RABGAP1L: variants seen among roughly 807,000 people sequenced by gnomAD.
RABGAP1L encodes rab GTPase-activating protein 1-like.
Under a neutral mutation model 137.7 loss-of-function variants are expected in RABGAP1L, and 63 were observed. The observed-to-expected ratio is 0.46, with a 90% CI of 0.37 to 0.56. The LOEUF (loss-of-function observed/expected upper bound fraction) is 0.56. Ranked by LOEUF, RABGAP1L falls within the 20% of genes least tolerant of loss-of-function variation. The pLI, the probability that RABGAP1L is intolerant of heterozygous loss-of-function variation, is 0.00. For missense variants in RABGAP1L, 1,095 were observed against 1,244.0 expected (o/e 0.88, Z 1.80); for synonymous variants, 431 against 433.7 (o/e 0.99, Z 0.08).
In RABGAP1L at chr1:174,327,974, T is replaced by TAC. The variant is rs1558135970; in HGVS notation, c.1465+22848_1465+22849insCA. 5.1e-3 allele frequency among the ~76,000 whole-genome samples: 82 copies of TAC among 16,090 alleles called. 1 individual carries two copies. The highest frequency in any genetic ancestry group is 0.067 in the Middle Eastern group (2 of 30). 10.6% of individuals were successfully genotyped at this position (16,090 alleles called of 152,430 possible). On this transcript the variant is annotated intron_variant, in intron 11 of 25. Transcript: ENST00000681986. ...AGTTGTAAATATATATATATATATA[T>TAC]ATATACACACACATATATATATATA...
intron 1 of RABGAP1L, among the ~76,000 whole-genome samples, chr1:174,162,753 C>CTTTTTTTTTTTT (rs971302832): frequency 2.7e-5 from 1 of 37,184 alleles, no homozygotes; most frequent in Non-Finnish European, 5.9e-5. Flanking sequence ...GCTGGTATTT[C>CTTTTTTTTTTTT]TTTTTTTTTT....
intron 10 of RABGAP1L, among the ~76,000 whole-genome samples, chr1:174,294,922 T>A (rs948725039): frequency 6.7e-6 from 1 of 149,948 alleles, no homozygotes; most frequent in Non-Finnish European, 1.5e-5. Flanking sequence ...TACATTGAAT[T>A]TTTTTTTTTT....
chr1:174,348,008 T>G (rs1228717394), intron 11 of RABGAP1L, among the ~76,000 whole-genome samples: 2 of 152,264 alleles, frequency 1.3e-5, no homozygotes, highest in Middle Eastern at 3.4e-3. Context: ...TTACATTCTG[T>G]ATTATTATTG....
intron 13 of RABGAP1L, among the ~76,000 whole-genome samples, chr1:174,474,942 A>G (rs1658342592): frequency 1.3e-5 from 2 of 152,098 alleles, no homozygotes; most frequent in African/African-American, 4.8e-5. Context: ...AGGGAAAGTA[A>G]TATCTGCCTT....
chr1:174,428,742 A>G (rs1571757706), intron 13 of RABGAP1L, among the ~76,000 whole-genome samples: 1 of 152,242 alleles, frequency 6.6e-6, no homozygotes, highest in Admixed American at 6.5e-5. Flanking sequence ...GAGTGTGTGT[A>G]TTTTATCCAG....
chr1:174,391,181 G>C (rs1328884778), intron 12 of RABGAP1L, among the ~76,000 whole-genome samples: 1 of 152,158 alleles, frequency 6.6e-6, no homozygotes, highest in Non-Finnish European at 1.5e-5. Flanking sequence ...GAGAGATGCA[G>C]AAGCCATGTT....
intron 16 of RABGAP1L, among the ~76,000 whole-genome samples, chr1:174,701,645 A>G (rs1679657967): frequency 6.6e-6 from 1 of 151,692 alleles, no homozygotes; most frequent in African/African-American, 2.4e-5. Context: ...TGGAAGGCTG[A>G]GGCAGGAAAA....
chr1:174,922,364 C>A, intron 19 of RABGAP1L: 1 of 196,000 alleles, frequency 5.1e-6, no homozygotes, highest in Admixed American at 4.7e-5. Context: ...GCATCAGGCG[C>A]AGTTTATGCA....
intron 1 of RABGAP1L, among the ~76,000 whole-genome samples, chr1:174,188,702 T>C (rs58334844): frequency 1.3e-5 from 2 of 152,350 alleles, no homozygotes; most frequent in East Asian, 1.9e-4. Context: ...AAATGAGCAA[T>C]AATATTTTGA....
Position 174,904,533 on chromosome 1 carries a change from A to G in RABGAP1L, c.2341-52924A>G, listed in dbSNP as rs542250261. 2.8e-4 allele frequency among the ~76,000 whole-genome samples: 42 copies of G among 152,332 alleles called. No homozygotes were observed. In the East Asian group the frequency reaches 8.1e-3, roughly 29 times the overall value. ...GCAGACAAAGGGGAGAAATGGGACT[A>G]TCATCCCTAGCTCTGAAAACTCTGC... On this transcript the variant is annotated intron_variant, in intron 19 of 25. Transcript: ENST00000681986.
At chr1:174,645,969 CT>C (rs899800371) in intron 14 of RABGAP1L, among the ~76,000 whole-genome samples, 1 of 152,062 alleles carries the variant, frequency 6.6e-6, no homozygotes, top group African/African-American at 2.4e-5. Context: ...TTATAATGAG[CT>C]TTTTTTCATA....
At position 174,414,307 on chromosome 1, in the gene RABGAP1L, G is replaced by A. The variant is rs533499996; in HGVS notation, c.1710+20162G>A. Among the ~76,000 whole-genome samples the A allele has an allele frequency of 2.0e-5, 3 of 152,142 alleles. No homozygotes were observed. The South Asian group carries it at 6.2e-4, about 32-fold the overall frequency. ...TTTATTTCAAACTCATGTTGTTCAA[G>A]GGTCAGCTGTAGTTCTGAAAAGTGA... On this transcript the variant is annotated intron_variant, in intron 13 of 25. Transcript: ENST00000681986.
intron 13 of RABGAP1L, among the ~76,000 whole-genome samples, chr1:174,607,485 G>T (rs939103186): frequency 6.6e-6 from 1 of 152,094 alleles, no homozygotes; most frequent in African/African-American, 2.4e-5. Flanking sequence ...TCCTCTGGTG[G>T]CAAAAGCAGA....
chr1:174,202,383 G>A (rs1668182300), intron 1 of RABGAP1L, among the ~76,000 whole-genome samples: 1 of 152,148 alleles, frequency 6.6e-6, no homozygotes, highest in Non-Finnish European at 1.5e-5. Flanking sequence ...GTTTTGATTT[G>A]CATTTCTCTG....
chr1:174,855,329 G>T (rs751637208), intron 19 of RABGAP1L, among the ~76,000 whole-genome samples: 1 of 152,164 alleles, frequency 6.6e-6, no homozygotes, highest in Non-Finnish European at 1.5e-5. Flanking sequence ...CAGTCTGAAA[G>T]ACACTGGAGG....
intron 1 of RABGAP1L, among the ~76,000 whole-genome samples, chr1:174,197,559 C>T (rs1391574631): frequency 2.6e-5 from 4 of 152,080 alleles, no homozygotes; most frequent in South Asian, 2.1e-4. Context: ...GTTTCTTAAG[C>T]GTAGCACAAT....
chr1:174,713,280 G>GT (rs373147353), intron 17 of RABGAP1L, among the ~76,000 whole-genome samples: 23 of 152,042 alleles, frequency 1.5e-4, no homozygotes, highest in South Asian at 6.2e-4. Flanking sequence ...ATGCATGTCT[G>GT]TTTTTTTTAC....
At chr1:174,635,233 C>T (rs987419126) in intron 13 of RABGAP1L, among the ~76,000 whole-genome samples, 1 of 152,138 alleles carries the variant, frequency 6.6e-6, no homozygotes, top group Non-Finnish European at 1.5e-5. Context: ...CCAACGATTT[C>T]TCTCTCTTAA....
At position 174,305,097 on chromosome 1, in the gene RABGAP1L, A is replaced by G. The variant is rs770284796; in HGVS notation, c.1435A>G (p.Met479Val). The change falls in exon 11 of 26, where the codon ATG becomes GTG. Residue 479 changes from methionine to valine, a missense_variant. Around this residue, in one of 4 missense-constraint regions of RABGAP1L, gnomAD observed 315 missense variants for 324.8 expected, o/e 0.97. Transcript: ENST00000681986. ...PVTPTSGGGP[M>V]SPQDDEAEEE... ...CACTCCTACTAGTGGAGGGGGTCCA[A>G]TGTCACCCCAGGATGATGAAGCAGA... The G allele has an allele frequency of 3.5e-5, 54 of 1,548,654 alleles. No individual in the cohort carries two copies. The highest frequency in any genetic ancestry group is 3.4e-4 in the Middle Eastern group (2 of 5,922).
Sources: allele counts gnomAD v4.1 joint callset (sites outside exome capture counted in the v4.1 genomes callset), GRCh38; gene constraint gnomAD v4.1.1; regional missense constraint gnomAD v4.1.1; transcripts MANE v1.5; gene names NCBI Gene and HGNC (gene_info 2026-07-23, HGNC 2026-07-21).